The following SGCD variants were observed in gnomAD, a reference collection of about 807,000 sequenced individuals.
The protein encoded by SGCD is sarcoglycan delta, also known as delta-sarcoglycan.
SGCD carries 18 observed loss-of-function variants against 36.6 expected under a neutral mutation model. That is an observed-to-expected ratio of 0.49 (90% CI 0.34 to 0.73). The LOEUF (loss-of-function observed/expected upper bound fraction) is 0.73. Among genes scored for constraint, SGCD ranks in the 30% least tolerant of loss-of-function variants. SGCD has a pLI of 0.01. For synonymous variants in SGCD, 133 were observed against 130.6 expected (o/e 1.02, Z -0.12); for missense variants, 387 against 346.7 (o/e 1.12, Z -0.92).
intron 3 of SGCD, among the ~76,000 whole-genome samples, chr5:156,134,104 T>A (rs2127607490): frequency 6.6e-6 from 1 of 152,258 alleles, no homozygotes; most frequent in East Asian, 1.9e-4. Context: ...AGAAAGACCT[T>A]TTTTTCCCCC....
chr5:156,114,505 T>G (rs1275308224), intron 1 of SGCD, among the ~76,000 whole-genome samples: 1 of 152,020 alleles, frequency 6.6e-6, no homozygotes, highest in Non-Finnish European at 1.5e-5. Flanking sequence ...AACATGATCA[T>G]GAAAGATGAG....
At chr5:156,669,972 T>C (rs186559153) in intron 7 of SGCD, among the ~76,000 whole-genome samples, 33 of 152,304 alleles carry the variant, frequency 2.2e-4, no homozygotes, top group Admixed American at 5.2e-4. Flanking sequence ...AGACCATCTA[T>C]GAAAGCTGGA....
chr5:155,911,225 A>G (rs1211479475), intron 1 of SGCD, among the ~76,000 whole-genome samples: 1 of 151,736 alleles, frequency 6.6e-6, no homozygotes, highest in East Asian at 1.9e-4. Flanking sequence ...ATCCTTTCCA[A>G]TGGCTTCATT....
At chr5:156,037,956 G>C (rs1201503525) in intron 1 of SGCD, among the ~76,000 whole-genome samples, 1 of 152,150 alleles carries the variant, frequency 6.6e-6, no homozygotes. Flanking sequence ...TAAAGTTTGA[G>C]GAGAGTCAAA....
intron 3 of SGCD, among the ~76,000 whole-genome samples, chr5:156,204,510 A>T (rs1764226507): frequency 6.6e-6 from 1 of 151,200 alleles, no homozygotes; most frequent in African/African-American, 2.4e-5. Flanking sequence ...ACACAATATC[A>T]TGTGAACTAG....
chr5:156,656,530 C>A (rs780889292), intron 7 of SGCD, among the ~76,000 whole-genome samples: 3 of 152,006 alleles, frequency 2.0e-5, no homozygotes. Flanking sequence ...GAGCAAACAG[C>A]CCAACATATT....
chr5:156,486,990 ACCTCTG>A (rs1755700774), intron 3 of SGCD, among the ~76,000 whole-genome samples: 1 of 152,046 alleles, frequency 6.6e-6, no homozygotes, highest in Non-Finnish European at 1.5e-5. Flanking sequence ...ATCCAAGCCT[ACCTCTG>A]CCACTGTCAG....
At chr5:156,249,044 C>G (rs558546192) in intron 3 of SGCD, among the ~76,000 whole-genome samples, 2 of 152,098 alleles carry the variant, frequency 1.3e-5, no homozygotes, top group Non-Finnish European at 2.9e-5. Context: ...CTTTGAGACA[C>G]TAAATTAAAG....
At chr5:155,740,901 A>T in the SGCD span, among the ~76,000 whole-genome samples, 2 of 152,340 alleles carry the variant, frequency 1.3e-5, no homozygotes, top group East Asian at 3.9e-4. Flanking sequence ...TCTGAGCCAA[A>T]TGTGAGGACC....
chr5:155,848,695 T>C, the SGCD span, among the ~76,000 whole-genome samples: 4 of 152,186 alleles, frequency 2.6e-5, no homozygotes, highest in Admixed American at 6.5e-5. Context: ...TTATATAGCT[T>C]TCCCCCAGCT....
intron 6 of SGCD, among the ~76,000 whole-genome samples, chr5:156,617,817 C>A (rs1762076389): frequency 6.6e-6 from 1 of 152,236 alleles, no homozygotes; most frequent in Non-Finnish European, 1.5e-5. Context: ...CCTGGTACAT[C>A]CTCAGAAGTC....
chr5:156,220,870 A>G (rs1293898689), intron 3 of SGCD, among the ~76,000 whole-genome samples: 1 of 152,146 alleles, frequency 6.6e-6, no homozygotes, highest in Non-Finnish European at 1.5e-5. Flanking sequence ...GTGCATAGCA[A>G]CAGGGAGTTA....
At chr5:156,561,999 C>CT (rs1759284445) in intron 4 of SGCD, among the ~76,000 whole-genome samples, 1 of 152,078 alleles carries the variant, frequency 6.6e-6, no homozygotes, top group East Asian at 1.9e-4. Flanking sequence ...AAGGAGGACA[C>CT]TGAATAAATA....
chr5:156,203,589 G>A (rs1485385269), intron 3 of SGCD, among the ~76,000 whole-genome samples: 1 of 152,060 alleles, frequency 6.6e-6, no homozygotes, highest in Non-Finnish European at 1.5e-5. Context: ...CTGACACTGT[G>A]CTTTATACTA....
chr5:156,409,674 T>G (rs971220227), intron 3 of SGCD, among the ~76,000 whole-genome samples: 1 of 152,228 alleles, frequency 6.6e-6, no homozygotes, highest in African/African-American at 2.4e-5. Flanking sequence ...GGTTTCCTAA[T>G]AGGTAATAGA....
the SGCD span, among the ~76,000 whole-genome samples, chr5:155,751,725 AAAAAAG>A: frequency 6.6e-6 from 1 of 150,560 alleles, no homozygotes; most frequent in Non-Finnish European, 1.5e-5. Flanking sequence ...AAAAAAAAAG[AAAAAAG>A]AAAAACACAC....
chr5:155,894,892 A>G (rs1375279359), intron 1 of SGCD, among the ~76,000 whole-genome samples: 1 of 152,170 alleles, frequency 6.6e-6, no homozygotes, highest in Non-Finnish European at 1.5e-5. Context: ...CGATAAACGT[A>G]ATGTGCTTGA....
intron 6 of SGCD, among the ~76,000 whole-genome samples, chr5:156,635,400 G>A (rs1762787507): frequency 6.6e-6 from 1 of 152,198 alleles, no homozygotes; most frequent in Non-Finnish European, 1.5e-5. Context: ...TGCTGGAGAG[G>A]ATGTGGAGAA....
the SGCD span, among the ~76,000 whole-genome samples, chr5:155,810,723 A>T: frequency 7.0e-6 from 1 of 143,704 alleles, no homozygotes; most frequent in Non-Finnish European, 1.5e-5. Flanking sequence ...AATAAAAATG[A>T]TTTGGCTCGA....
Sources: allele counts gnomAD v4.1 joint callset (sites outside exome capture counted in the v4.1 genomes callset), GRCh38; gene constraint gnomAD v4.1.1; transcripts MANE v1.5; gene names NCBI Gene and HGNC (gene_info 2026-07-23, HGNC 2026-07-21).